PALLD: variants seen among roughly 807,000 people sequenced by gnomAD.
The protein encoded by PALLD is palladin.
In PALLD, 61 loss-of-function variants were observed where a neutral mutation model predicts 123.5. That is an observed-to-expected ratio of 0.49 (90% CI 0.40 to 0.61). The LOEUF is 0.61. PALLD is among the 20% of genes least tolerant of loss of function. The pLI, the probability that PALLD is intolerant of heterozygous loss-of-function variation, is 0.00. For missense variants in PALLD, 1,273 were observed against 1,377.0 expected (o/e 0.92, Z 1.20); for synonymous variants, 465 against 496.4 (o/e 0.94, Z 0.84).
At chr4:168,860,644 G>A (rs1180930072) in intron 10 of PALLD, among the ~76,000 whole-genome samples, 1 of 152,174 alleles carries the variant, frequency 6.6e-6, no homozygotes. Flanking sequence ...CCAACATGGT[G>A]AAACCCTGTC....
chr4:168,579,964 T>C (rs1435146702), intron 2 of PALLD, among the ~76,000 whole-genome samples: 4 of 152,068 alleles, frequency 2.6e-5, no homozygotes, highest in African/African-American at 9.7e-5. Context: ...AATCACCATA[T>C]TGTCCATTAA....
At chr4:168,513,067 GA>G (rs56067005) in intron 2 of PALLD, among the ~76,000 whole-genome samples, 44,014 of 139,874 alleles carry the variant, frequency 0.31, 6,441 homozygotes, top group Non-Finnish European at 0.35. Flanking sequence ...AAGTTGGAAA[GA>G]AAAAAAAAAA....
At chr4:168,803,111 A>C (rs529227600) in intron 10 of PALLD, among the ~76,000 whole-genome samples, 2 of 152,346 alleles carry the variant, frequency 1.3e-5, no homozygotes, top group East Asian at 3.9e-4. Flanking sequence ...TCACACTGCT[A>C]TAAAGAACTA....
chr4:168,907,296 G>A (rs1758009260), intron 15 of PALLD, among the ~76,000 whole-genome samples: 1 of 152,180 alleles, frequency 6.6e-6, no homozygotes, highest in African/African-American at 2.4e-5. Context: ...GGAACCAGAT[G>A]TAAAGGATCA....
intron 10 of PALLD, among the ~76,000 whole-genome samples, chr4:168,765,781 G>C (rs1733580387): frequency 6.6e-6 from 1 of 151,688 alleles, no homozygotes; most frequent in Non-Finnish European, 1.5e-5. Flanking sequence ...ATCTGGATAT[G>C]TACTAGTGAG....
At chr4:168,721,437 A>G (rs1786005028) in intron 10 of PALLD, among the ~76,000 whole-genome samples, 1 of 151,924 alleles carries the variant, frequency 6.6e-6, no homozygotes, top group South Asian at 2.1e-4. Flanking sequence ...ATGTAACTTA[A>G]TGTCAATTTT....
chr4:168,843,098 G>A (rs1468103152), intron 10 of PALLD, among the ~76,000 whole-genome samples: 1 of 152,200 alleles, frequency 6.6e-6, no homozygotes, highest in Non-Finnish European at 1.5e-5. Context: ...GGTTTTGCCA[G>A]AAAGGAATTC....
chr4:168,600,015 A>G (rs930657490), intron 2 of PALLD, among the ~76,000 whole-genome samples: 3 of 147,746 alleles, frequency 2.0e-5, no homozygotes, highest in Non-Finnish European at 3.0e-5. Flanking sequence ...ATATACATAC[A>G]TGTGTGTACA....
intron 2 of PALLD, among the ~76,000 whole-genome samples, chr4:168,559,616 G>C (rs1381969587): frequency 2.0e-5 from 3 of 152,156 alleles, no homozygotes; most frequent in African/African-American, 7.2e-5. Context: ...CAATACATAG[G>C]CTGGGTGTGG....
chr4:168,671,056 AT>A (rs1370658160), intron 3 of PALLD, among the ~76,000 whole-genome samples: 3 of 151,738 alleles, frequency 2.0e-5, no homozygotes, highest in African/African-American at 7.3e-5. Flanking sequence ...ATAAAGTAAT[AT>A]TATAATAAGT....
At chr4:168,765,113 G>C (rs1429324330) in intron 10 of PALLD, among the ~76,000 whole-genome samples, 2 of 152,100 alleles carry the variant, frequency 1.3e-5, no homozygotes, top group African/African-American at 4.8e-5. Flanking sequence ...CTAATCTCTA[G>C]TCCTTAGCTT....
chr4:168,684,592 G>A (rs1399771385), intron 5 of PALLD, among the ~76,000 whole-genome samples: 1 of 152,140 alleles, frequency 6.6e-6, no homozygotes, highest in East Asian at 1.9e-4. Context: ...TATGACACTT[G>A]GAACAGTCCC....
At chr4:168,917,107 G>A (rs1017586644) in intron 17 of PALLD, among the ~76,000 whole-genome samples, 5 of 146,882 alleles carry the variant, frequency 3.4e-5, no homozygotes, top group African/African-American at 1.3e-4. Context: ...GGAGTGCAGT[G>A]GTGTGATCTC....
chr4:168,842,873 G>A (rs1314319658), intron 10 of PALLD, among the ~76,000 whole-genome samples: 1 of 152,142 alleles, frequency 6.6e-6, no homozygotes, highest in Admixed American at 6.6e-5. Context: ...ACATCAGTAA[G>A]GGCCACATTC....
intron 1 of PALLD, chr4:168,507,233 G>C (rs1645456135): frequency 5.9e-6 from 1 of 169,114 alleles, no homozygotes; most frequent in South Asian, 2.0e-4. Flanking sequence ...CCAGTCATCT[G>C]GTTGTTGAGG....
intron 2 of PALLD, among the ~76,000 whole-genome samples, chr4:168,544,762 G>T (rs576844176): frequency 3.5e-4 from 54 of 152,264 alleles, no homozygotes; most frequent in African/African-American, 1.2e-3. Context: ...AACTGATTTT[G>T]CAAGTAATCT....
intron 2 of PALLD, among the ~76,000 whole-genome samples, chr4:168,664,031 C>T (rs952039356): frequency 6.6e-6 from 1 of 152,182 alleles, no homozygotes; most frequent in Admixed American, 6.5e-5. Flanking sequence ...CATATTACAT[C>T]TCCCTCCTTG....
intron 10 of PALLD, among the ~76,000 whole-genome samples, chr4:168,840,172 A>G (rs1745836338): frequency 6.6e-6 from 1 of 152,144 alleles, no homozygotes; most frequent in Non-Finnish European, 1.5e-5. Context: ...TGTATTCCAT[A>G]CTTCTCTCAC....
rs1384316420 is a variant in PALLD, at chr4:168,847,504, T to C, written c.1965-43418T>C. On this transcript the variant is annotated intron_variant, in intron 10 of 21. Coordinates refer to ENST00000505667, the MANE Select transcript of PALLD (RefSeq NM_001166108.2). ...ACAAAAACCCAAACATGTAAACATA[T>C]GGGTGTTGTAAGTATTTATATTTGT... 3.3e-5 allele frequency among the ~76,000 whole-genome samples: 5 copies of C among 152,176 alleles called. No homozygotes were observed. The South Asian group carries it at 8.3e-4, about 25-fold the overall frequency.
Sources: gnomAD v4.1 joint callset for allele counts (sites outside exome capture counted in the v4.1 genomes callset) on GRCh38, gnomAD v4.1.1 for gene constraint, MANE v1.5 for transcripts, NCBI Gene and HGNC (gene_info 2026-07-23, HGNC 2026-07-21) for gene names.